KCNH7: variants seen among roughly 807,000 people sequenced by gnomAD.
The protein encoded by KCNH7 is voltage-gated inwardly rectifying potassium channel KCNH7.
In KCNH7, 49 loss-of-function variants were observed where a neutral mutation model predicts 120.8. The ratio of observed to expected loss-of-function variants is 0.41; its 90% CI spans 0.32 to 0.51. The LOEUF is 0.51. Ranked by LOEUF, KCNH7 falls within the 20% of genes least tolerant of loss-of-function variation. The pLI is 0.38. For missense variants in KCNH7, 1,097 were observed against 1,446.6 expected, an observed-to-expected ratio of 0.76 and a Z score of 3.92; for synonymous variants, 547 against 516.1, an observed-to-expected ratio of 1.06 and a Z score of -0.81.
intron 6 of KCNH7, among the ~76,000 whole-genome samples, chr2:162,489,196 A>G (rs1690206605): frequency 6.6e-6 from 1 of 152,222 alleles, no homozygotes; most frequent in Non-Finnish European, 1.5e-5. Context: ...TTTATTATAT[A>G]CGTAGCATAC....
chr2:162,835,052 G>T (rs573475059), intron 2 of KCNH7, among the ~76,000 whole-genome samples: 3 of 152,036 alleles, frequency 2.0e-5, no homozygotes, highest in African/African-American at 7.2e-5. Context: ...AAAGACATGA[G>T]TTACATTTGG....
intron 2 of KCNH7, among the ~76,000 whole-genome samples, chr2:162,612,573 G>A (rs1459262824): frequency 6.6e-6 from 1 of 151,856 alleles, no homozygotes; most frequent in Non-Finnish European, 1.5e-5. Context: ...CTGGCAAAAG[G>A]AAATGACACA....
chr2:162,387,069 A>G (rs1250910492), intron 12 of KCNH7, among the ~76,000 whole-genome samples: 5 of 151,270 alleles, frequency 3.3e-5, no homozygotes, highest in Non-Finnish European at 7.4e-5. Flanking sequence ...AGAATCAGGT[A>G]AAAGAAGAAG....
chr2:162,829,848 T>TG (rs1340915628), intron 2 of KCNH7, among the ~76,000 whole-genome samples: 83 of 99,740 alleles, frequency 8.3e-4, no homozygotes, highest in Non-Finnish European at 1.6e-3. Flanking sequence ...TAACTTTATC[T>TG]GTTTTTTTTT....
At chr2:162,750,809 A>C (rs187882448) in intron 2 of KCNH7, among the ~76,000 whole-genome samples, 1 of 152,288 alleles carries the variant, frequency 6.6e-6, no homozygotes, top group East Asian at 1.9e-4. Context: ...CACACGTGGG[A>C]ACAAGAGGGG....
chr2:162,451,039 T>G, intron 6 of KCNH7, among the ~76,000 whole-genome samples: 1 of 152,030 alleles, frequency 6.6e-6, no homozygotes. Flanking sequence ...TTGAAGTGTT[T>G]GGAATAAAGG....
chr2:162,383,370 C>A (rs964485245), intron 13 of KCNH7, among the ~76,000 whole-genome samples: 1 of 151,882 alleles, frequency 6.6e-6, no homozygotes, highest in African/African-American at 2.4e-5. Context: ...TTCCATTCTT[C>A]CATTGTGATA....
intron 2 of KCNH7, among the ~76,000 whole-genome samples, chr2:162,773,130 T>A (rs533437776): frequency 6.6e-6 from 1 of 152,184 alleles, no homozygotes; most frequent in Non-Finnish European, 1.5e-5. Context: ...AAAACATGGC[T>A]GTATTTCCTT....
At position 162,397,033 on chromosome 2, in the gene KCNH7, T is replaced by C; in HGVS notation, c.2408-88A>G. ...AAAGTAGAAGGGGGTCATTAAACAA[T>C]TGATCAATCCCTGAACCAGACTTGG... is the stretch of plus-strand genomic sequence containing the variant. On this transcript the variant is annotated intron_variant, in intron 10 of 15. Coordinates refer to ENST00000332142, the MANE Select transcript of KCNH7 (RefSeq NM_033272.4). 7.1e-6 allele frequency: 6 copies of C among 849,660 alleles called. No homozygotes were observed. In the South Asian group the frequency reaches 9.5e-5, roughly 14 times the overall value. The allele number at this position is 849,660 out of a possible 1,614,324, so 52.6% of individuals were successfully genotyped here.
intron 3 of KCNH7, among the ~76,000 whole-genome samples, chr2:162,524,388 G>A (rs1445876960): frequency 6.6e-6 from 1 of 152,022 alleles, no homozygotes; most frequent in African/African-American, 2.4e-5. Context: ...TTTCCAGGGA[G>A]GGGCAGCAGT....
intron 2 of KCNH7, among the ~76,000 whole-genome samples, chr2:162,598,724 C>A (rs1323106934): frequency 6.6e-6 from 1 of 152,066 alleles, no homozygotes; most frequent in Non-Finnish European, 1.5e-5. Context: ...AAAGTTCTTT[C>A]TAGCATTAAA....
At chr2:162,495,811 T>A (rs1203197874) in intron 6 of KCNH7, among the ~76,000 whole-genome samples, 1 of 152,166 alleles carries the variant, frequency 6.6e-6, no homozygotes, top group Non-Finnish European at 1.5e-5. Flanking sequence ...ATCAATATTT[T>A]AATTCTGGGC....
In KCNH7 at chr2:162,569,152, C is replaced by A. The variant is rs1340877984; in HGVS notation, c.308-32072G>T. Among the ~76,000 whole-genome samples the A allele has an allele frequency of 2.6e-5, 4 of 151,378 alleles. No individual in the cohort carries two copies. The East Asian group carries it at 7.8e-4, about 30-fold the overall frequency. On this transcript the variant is annotated intron_variant, in intron 2 of 15. Coordinates refer to ENST00000332142, the MANE Select transcript of KCNH7 (RefSeq NM_033272.4). ...TGGTAGAATTCGGCTGTGAATCCAT[C>A]TGGTCCTGGACTCTTTTTGGTTGGT... is the stretch of plus-strand genomic sequence containing the variant.
intron 2 of KCNH7, among the ~76,000 whole-genome samples, chr2:162,814,795 C>A (rs1022547007): frequency 7.2e-5 from 11 of 152,158 alleles, no homozygotes; most frequent in African/African-American, 2.4e-4. Flanking sequence ...GGCATGCTCT[C>A]TTTTGGAGGG....
chr2:162,647,594 A>G (rs1353470939), intron 2 of KCNH7, among the ~76,000 whole-genome samples: 1 of 152,164 alleles, frequency 6.6e-6, no homozygotes, highest in Non-Finnish European at 1.5e-5. Flanking sequence ...GTGGTAGTAA[A>G]TAAGTCTCAT....
intron 2 of KCNH7, among the ~76,000 whole-genome samples, chr2:162,751,900 T>A (rs1484406568): frequency 2.0e-5 from 3 of 151,972 alleles, no homozygotes; most frequent in African/African-American, 7.2e-5. Context: ...TATACCCCTA[T>A]AACTCACTGA....
chr2:162,533,804 C>A (rs184895265), intron 3 of KCNH7, among the ~76,000 whole-genome samples: 97 of 151,604 alleles, frequency 6.4e-4, no homozygotes, highest in African/African-American at 2.2e-3. Context: ...TAGAAGACAG[C>A]ATAATAATAA....
rs753779901 is a variant in KCNH7, at chr2:162,512,704, A to G, written c.893-30T>C. ...TTTGAGCACATAAGGATAAAAAAAG[A>G]GAAATATAAAAAGAAGACTAAAATT... On this transcript the variant is annotated intron_variant, in intron 4 of 15. Coordinates refer to ENST00000332142, the MANE Select transcript of KCNH7 (RefSeq NM_033272.4). 7 of 1,583,804 alleles carry G rather than the reference A, an allele frequency of 4.4e-6. No individual in the cohort carries two copies. In the Admixed American group the frequency reaches 6.8e-5, roughly 15 times the overall value.
intron 2 of KCNH7, among the ~76,000 whole-genome samples, chr2:162,665,923 T>C (rs891298101): frequency 1.3e-5 from 2 of 152,190 alleles, no homozygotes; most frequent in African/African-American, 4.8e-5. Context: ...TGTGATAAGG[T>C]ATGTGAAAAC....
Sources: allele counts gnomAD v4.1 joint callset (sites outside exome capture counted in the v4.1 genomes callset), GRCh38; gene constraint gnomAD v4.1.1; transcripts MANE v1.5; gene names NCBI Gene and HGNC (gene_info 2026-07-23, HGNC 2026-07-21).